The following WFS1 variants were observed in gnomAD, a reference collection of about 807,000 sequenced individuals.
WFS1 encodes wolframin.
In WFS1, 90 loss-of-function variants were observed where a neutral mutation model predicts 68.5. The observed-to-expected ratio is 1.31, with a 90% CI of 1.11 to 1.56. The LOEUF (loss-of-function observed/expected upper bound fraction) is 1.56, where lower values mean the gene tolerates loss of function less well. WFS1 is among the 40% of genes most tolerant of loss of function. The pLI, the probability that WFS1 is intolerant of heterozygous loss-of-function variation, is 0.00. For synonymous variants in WFS1, 860 were observed against 540.7 expected (o/e 1.59, Z -8.19); for missense variants, 1,767 against 1,232.6 (o/e 1.43, Z -6.49).
chr4:6,285,052 G>A (rs535769208), intron 2 of WFS1, among the ~76,000 whole-genome samples: 3 of 151,850 alleles, frequency 2.0e-5, no homozygotes, highest in East Asian at 1.9e-4. Context: ...CTCTGGGGAG[G>A]GTGGGTGTCC....
rs762025180 is a variant in WFS1 at position 6,301,437 on chromosome 4, C to T, written c.1642C>T (p.Leu548=). ...FMWCELSVVI[L]LESTGLGLLR... ...GTGGTGTGAGCTCTCCGTGGTCATC[C>T]TGCTGGAGTCCACCGGCCTGGGGCT... is the stretch of plus-strand genomic sequence containing the variant. The change falls in exon 8 of 8, where the codon CTG becomes TTG. Residue 548 remains leucine (L), a synonymous_variant. Coordinates refer to ENST00000226760, the MANE Select transcript of WFS1 (RefSeq NM_006005.3). 1 of 1,612,512 alleles carries T rather than the reference C, an allele frequency of 6.2e-7. No individual in the cohort carries two copies. Among genetic ancestry groups the T allele is most frequent in the Non-Finnish European group, 8.5e-7 (1 of 1,180,030 alleles).
rs200095753 is a variant in WFS1 at position 6,300,918 on chromosome 4, C to A, written c.1123C>A (p.Arg375Ser). The A allele has an allele frequency of 8.1e-6, 13 of 1,614,030 alleles. No individual in the cohort carries two copies. The highest frequency in any genetic ancestry group is 1.1e-5 in the Non-Finnish European group (13 of 1,180,036). The change falls in exon 8 of 8, where the codon CGC (arginine) becomes AGC (serine). Residue 375 changes from arginine (R) to serine (S), a missense_variant. Arg to Ser is a moderately radical substitution (Grantham distance 110). Coordinates refer to ENST00000226760, the MANE Select transcript of WFS1 (RefSeq NM_006005.3). Reference protein sequence around the residue: ...FQDSKAWENFRTLTDLLLRFE... With the variant: ...FQDSKAWENFSTLTDLLLRFE... ...GGACAGCAAGGCCTGGGAGAACTTCCGCACCCTCACCGACCTGCTGCTGCG... is the reference window on the plus strand; with the variant it reads ...GGACAGCAAGGCCTGGGAGAACTTCAGCACCCTCACCGACCTGCTGCTGCG...
At position 6,291,313 on chromosome 4, in the gene WFS1, A is replaced by C. The variant is rs41264699; in HGVS notation, c.577A>C (p.Lys193Gln). The C allele has an allele frequency of 3.7e-3, 5,981 of 1,613,240 alleles. 29 individuals are homozygous for C. Among genetic ancestry groups the C allele is most frequent in the South Asian group, 0.012 (1,064 of 91,048 alleles). The change falls in exon 5 of 8, where the codon AAG (lysine) becomes CAG (glutamine). Residue 193 changes from lysine (K) to glutamine (Q), a missense_variant. Coordinates refer to ENST00000226760, the MANE Select transcript of WFS1 (RefSeq NM_006005.3). ...MYWKLNPKKK[K>Q]QVAVAELLEN... The stretch of plus-strand genomic sequence containing the variant: ...CTGGAAGCTCAACCCCAAGAAGAAG[A>C]AGCAGGTGGCCGTGGCGGAGCTGCT...
At chr4:6,270,640 C>G (rs1729810034) in intron 1 of WFS1, among the ~76,000 whole-genome samples, 1 of 152,318 alleles carries the variant, frequency 6.6e-6, no homozygotes, top group East Asian at 1.9e-4. Context: ...GACCCTGCCT[C>G]GTATGAACTC....
At chr4:6,292,939 C>G (rs1406991191) in intron 6 of WFS1, among the ~76,000 whole-genome samples, 1 of 152,216 alleles carries the variant, frequency 6.6e-6, no homozygotes, top group South Asian at 2.1e-4. Flanking sequence ...AGGGTGTGGT[C>G]AGAGCCCTCG....
chr4:6,270,166 A>G (rs750322002), intron 1 of WFS1, among the ~76,000 whole-genome samples, 152 bp downstream of exon 1: 5 of 151,986 alleles, frequency 3.3e-5, no homozygotes, highest in Non-Finnish European at 7.4e-5. Context: ...AGGTCCCCGA[A>G]GTTGGAGGGC....
intron 7 of WFS1, among the ~76,000 whole-genome samples, chr4:6,297,536 T>G (rs1386271715): frequency 6.6e-6 from 1 of 152,200 alleles, no homozygotes; most frequent in East Asian, 1.9e-4. Flanking sequence ...AATTGGAAGA[T>G]CCGACACGGG....
intron 2 of WFS1, among the ~76,000 whole-genome samples, 179 bp downstream of exon 2, chr4:6,277,866 C>T (rs951625519): frequency 2.6e-5 from 4 of 152,268 alleles, no homozygotes; most frequent in African/African-American, 9.6e-5. Context: ...CAGAGCCTTG[C>T]ACCTGTCACC....
chr4:6,272,338 C>T (rs1178663696), intron 1 of WFS1, among the ~76,000 whole-genome samples: 2 of 152,238 alleles, frequency 1.3e-5, no homozygotes, highest in Non-Finnish European at 2.9e-5. Flanking sequence ...GGCTTGGCCA[C>T]TATGGCCGTC....
rs558258340 is a variant in WFS1 at position 6,280,693 on chromosome 4, G to T, written c.232+3006G>T. On this transcript the variant is annotated intron_variant, in intron 2 of 7. Transcript: ENST00000226760. The stretch of plus-strand genomic sequence containing the variant: ...GCTGTGGCTATCATGTGCTTGGCCT[G>T]TGCTAAGTGTGTGCTAAGCATGTGG... Among the ~76,000 whole-genome samples the T allele has an allele frequency of 3.1e-5, 4 of 131,006 alleles. 1 individual carries two copies. The South Asian group carries it at 1.0e-3, about 33-fold the overall frequency. 85.9% of individuals were successfully genotyped at this position (131,006 alleles called of 152,430 possible).
chr4:6,299,110 G>A (rs191582138), intron 7 of WFS1, among the ~76,000 whole-genome samples: 110 of 152,344 alleles, frequency 7.2e-4, no homozygotes, highest in Admixed American at 1.6e-3. Flanking sequence ...CTGGCACCAT[G>A]GCCACTTTGT....
Position 6,301,899 on chromosome 4 carries a change from G to A in WFS1, c.2104G>A (p.Gly702Ser), listed in dbSNP as rs71532862. The A allele has an allele frequency of 2.2e-5, 36 of 1,612,654 alleles. No homozygotes were observed. The highest frequency in any genetic ancestry group is 9.9e-5 in the South Asian group (9 of 91,076). The stretch of plus-strand genomic sequence containing the variant: ...GGAGGGCCACAGGGTCACGTGGACC[G>A]GCCGCTTCAAGTACGTCCGCGTGAC... ...HLEGHRVTWT[G>S]RFKYVRVTDI... Residue 702 changes from glycine (G) to serine (S), a missense_variant, in exon 8 of 8, where the codon GGC becomes AGC. By Grantham distance (56) the Gly-to-Ser change is moderately conservative. Coordinates refer to ENST00000226760, the MANE Select transcript of WFS1 (RefSeq NM_006005.3).
chr4:6,299,573 GTGTGTGAATGTGTGTGTAGGGGTGGGTT>G (rs1730775680), intron 7 of WFS1, among the ~76,000 whole-genome samples: 1 of 79,436 alleles, frequency 1.3e-5, no homozygotes, highest in Admixed American at 1.4e-4. Context: ...TGGGTTGCGT[GTGTGTGAATGTGTGTGTAGGGGTGGGTT>G]TGAATGCAGG....
At chr4:6,285,028 C>T (rs1438768558) in intron 2 of WFS1, among the ~76,000 whole-genome samples, 2 of 151,408 alleles carry the variant, frequency 1.3e-5, no homozygotes, top group Non-Finnish European at 2.9e-5. Context: ...TCAGGGAGCA[C>T]CAAGGTCTGG....
rs1730956709 is a variant in WFS1, at chr4:6,302,101, A to G, written c.2306A>G (p.Lys769Arg). The change falls in exon 8 of 8, where the codon AAG (lysine) becomes AGG (arginine). Residue 769 changes from lysine to arginine, a missense_variant. By Grantham distance (26) the Lys-to-Arg change is conservative. Transcript: ENST00000226760. ...LLAKHPCHIK[K>R]FDRYKFEITV... is the part of the protein sequence containing the mutation. ...GCCAAGCACCCCTGCCACATCAAGA[A>G]GTTCGACCGCTACAAGTTTGAGATT... 1 of 1,612,912 alleles carries G rather than the reference A, an allele frequency of 6.2e-7. No individual in the cohort carries two copies. The highest frequency in any genetic ancestry group is 8.5e-7 in the Non-Finnish European group (1 of 1,180,016).
At chr4:6,290,092 C>G (rs1730420579) in intron 4 of WFS1, among the ~76,000 whole-genome samples, 1 of 152,178 alleles carries the variant, frequency 6.6e-6, no homozygotes, top group Non-Finnish European at 1.5e-5. Flanking sequence ...GCGTGCATTA[C>G]CACACCTAGC....
chr4:6,294,878 C>A, intron 6 of WFS1, 163 bp from the exon 7 acceptor site: 1 of 1,184,790 alleles, frequency 8.4e-7, no homozygotes, highest in Non-Finnish European at 1.2e-6. Context: ...CCAGCCTGGT[C>A]CTCAACCCTC....
intron 2 of WFS1, among the ~76,000 whole-genome samples, chr4:6,286,596 A>G (rs1326819654): frequency 6.6e-6 from 1 of 152,258 alleles, no homozygotes; most frequent in African/African-American, 2.4e-5. Flanking sequence ...AGATGTATAT[A>G]CACTGATTAT....
intron 7 of WFS1, 89 bp downstream of exon 7, chr4:6,295,278 G>T: frequency 1.3e-6 from 2 of 1,541,418 alleles, no homozygotes; most frequent in Non-Finnish European, 1.8e-6. Context: ...AGCTGCAGGT[G>T]GGGAGGTTCG....
Sources: gnomAD v4.1 joint callset for allele counts (sites outside exome capture counted in the v4.1 genomes callset) on GRCh38, gnomAD v4.1.1 for gene constraint, MANE v1.5 for transcripts, NCBI Gene and HGNC (gene_info 2026-07-23, HGNC 2026-07-21) for gene names.